The following RANBP2 variants were observed in gnomAD, a reference collection of about 807,000 sequenced individuals.
RANBP2 encodes E3 SUMO-protein ligase RanBP2.
In RANBP2, 57 loss-of-function variants were observed where a neutral mutation model predicts 303.6. The ratio of observed to expected loss-of-function variants is 0.19; its 90% CI spans 0.15 to 0.23. The LOEUF (loss-of-function observed/expected upper bound fraction) is 0.23. Among genes scored for constraint, RANBP2 ranks in the 10% least tolerant of loss-of-function variants. The pLI, the probability that RANBP2 is intolerant of heterozygous loss-of-function variation, is 1.00. For missense variants in RANBP2, 3,138 were observed against 3,780.8 expected, an observed-to-expected ratio of 0.83 and a Z score of 4.46; for synonymous variants, 1,167 against 1,301.5, an observed-to-expected ratio of 0.90 and a Z score of 2.23.
At chr2:109,381,433 A>G in the RANBP2 span, among the ~76,000 whole-genome samples, 1 of 152,054 alleles carries the variant, frequency 6.6e-6, no homozygotes, top group African/African-American at 2.4e-5. Context: ...CAGCACGCAC[A>G]CCCACCCAAT....
the RANBP2 span, among the ~76,000 whole-genome samples, chr2:109,130,384 T>C: frequency 2.0e-5 from 3 of 152,330 alleles, no homozygotes; most frequent in East Asian, 5.8e-4. Context: ...GCCGGACTTG[T>C]TACCCTGCCT....
the RANBP2 span, among the ~76,000 whole-genome samples, chr2:109,523,818 G>A: frequency 6.6e-6 from 1 of 152,172 alleles, no homozygotes; most frequent in Non-Finnish European, 1.5e-5. Context: ...CTCAGAGACT[G>A]GGACATGGGC....
At chr2:109,217,736 T>A in the RANBP2 span, among the ~76,000 whole-genome samples, 1 of 152,150 alleles carries the variant, frequency 6.6e-6, no homozygotes, top group African/African-American at 2.4e-5. Context: ...TAACACCAAA[T>A]AACTATGGCC....
the RANBP2 span, among the ~76,000 whole-genome samples, chr2:108,972,754 T>C: frequency 1.3e-5 from 2 of 152,186 alleles, no homozygotes; most frequent in African/African-American, 4.8e-5. Flanking sequence ...TCACAGCCCA[T>C]GCAGATGCTG....
the RANBP2 span, among the ~76,000 whole-genome samples, chr2:109,038,884 T>TA: frequency 2.6e-5 from 4 of 152,204 alleles, no homozygotes; most frequent in Non-Finnish European, 5.9e-5. Flanking sequence ...AGTGTAGTGG[T>TA]ATCTCTTTGT....
chr2:109,634,982 C>T, the RANBP2 span, among the ~76,000 whole-genome samples: 1 of 152,074 alleles, frequency 6.6e-6, no homozygotes, highest in Non-Finnish European at 1.5e-5. Context: ...TGGCAAAAGC[C>T]TAAGTGATAA....
chr2:109,471,600 CA>C, the RANBP2 span, among the ~76,000 whole-genome samples: 1 of 152,198 alleles, frequency 6.6e-6, no homozygotes, highest in Non-Finnish European at 1.5e-5. Context: ...TGGAACAGCT[CA>C]TGTAGGCCCA....
At chr2:109,417,023 A>T in the RANBP2 span, among the ~76,000 whole-genome samples, 3 of 152,044 alleles carry the variant, frequency 2.0e-5, no homozygotes, top group Non-Finnish European at 4.4e-5. Flanking sequence ...TCCGACTGCC[A>T]GGTCATCGAG....
chr2:109,106,718 T>G, the RANBP2 span, among the ~76,000 whole-genome samples: 1 of 151,748 alleles, frequency 6.6e-6, no homozygotes, highest in African/African-American at 2.4e-5. Context: ...GCGCCTGTAG[T>G]CCCAGCTACT....
At position 108,755,238 on chromosome 2, in the gene RANBP2, C is replaced by G. The variant is rs749181605; in HGVS notation, c.2445C>G (p.Cys815Trp). The G allele has an allele frequency of 2.5e-6, 4 of 1,611,850 alleles. No homozygotes were observed. Among genetic ancestry groups the G allele is most frequent in the Non-Finnish European group, 3.4e-6 (4 of 1,179,834 alleles). Reference protein sequence around the residue: ...EDQNSLLKMICQQVEAIKKEM... With the variant: ...EDQNSLLKMIWQQVEAIKKEM... ...AGAATTCTTTACTGAAAATGATTTG[C>G]CAACAAGTAGAGGCCATTAAGGTAA... The change falls in exon 17 of 29, where the codon TGC (cysteine) becomes TGG (tryptophan). Residue 815 changes from cysteine (C) to tryptophan (W), a missense_variant. This residue lies in a region of RANBP2 where 194 missense variants were observed against 197.4 expected (regional missense o/e 0.98). Transcript: ENST00000283195.
chr2:109,189,892 T>C, the RANBP2 span, among the ~76,000 whole-genome samples: 1 of 152,126 alleles, frequency 6.6e-6, no homozygotes, highest in Admixed American at 6.5e-5. Flanking sequence ...GTTGGAGCGA[T>C]CATACTTTCT....
chr2:108,723,838 C>A (rs1478487325), intron 1 of RANBP2, among the ~76,000 whole-genome samples: 3 of 152,144 alleles, frequency 2.0e-5, no homozygotes, highest in Admixed American at 1.3e-4. Context: ...CAGCAATTTA[C>A]ACCCTCAAAT....
At chr2:109,364,026 T>TA in the RANBP2 span, among the ~76,000 whole-genome samples, 5 of 152,298 alleles carry the variant, frequency 3.3e-5, no homozygotes, top group African/African-American at 1.2e-4. Context: ...AAATTCTCAG[T>TA]TATTATTGTT....
the RANBP2 span, among the ~76,000 whole-genome samples, chr2:109,049,371 T>A: frequency 1.3e-5 from 2 of 152,150 alleles, no homozygotes; most frequent in Admixed American, 6.5e-5. Context: ...CTGGGAGGCG[T>A]GTTAGGTGTA....
the RANBP2 span, among the ~76,000 whole-genome samples, chr2:108,946,564 G>A: frequency 1.3e-5 from 2 of 152,340 alleles, no homozygotes; most frequent in South Asian, 2.1e-4. Flanking sequence ...AACTTATAAA[G>A]AAAGAAGGTT....
chr2:109,449,228 C>T, the RANBP2 span: 1 of 1,613,388 alleles, frequency 6.2e-7, no homozygotes, highest in Non-Finnish European at 8.5e-7. Flanking sequence ...CACCCCTGCG[C>T]ACCCAGAACT....
the RANBP2 span, among the ~76,000 whole-genome samples, chr2:109,257,518 G>GC: frequency 6.6e-6 from 1 of 152,158 alleles, no homozygotes; most frequent in Non-Finnish European, 1.5e-5. Flanking sequence ...CAAGAGTCTG[G>GC]CTGGGAGGTT....
chr2:108,884,316 G>C, the RANBP2 span: 1 of 152,218 alleles, frequency 6.6e-6, no homozygotes, highest in African/African-American at 2.4e-5. Flanking sequence ...AAGAAAACAG[G>C]TAGAGAGGCA....
chr2:109,342,447 G>A, the RANBP2 span, among the ~76,000 whole-genome samples: 52 of 152,320 alleles, frequency 3.4e-4, no homozygotes, highest in African/African-American at 1.2e-3. Context: ...AATCTGTCCT[G>A]ATGGGCTAAT....
Sources: allele counts gnomAD v4.1 joint callset (sites outside exome capture counted in the v4.1 genomes callset), GRCh38; gene constraint gnomAD v4.1.1; regional missense constraint gnomAD v4.1.1; transcripts MANE v1.5; gene names NCBI Gene and HGNC (gene_info 2026-07-23, HGNC 2026-07-21).